Variants in PRDM1 observed in about 807,000 individuals in gnomAD.
PRDM1 encodes the protein PR domain zinc finger protein 1.
In PRDM1, 13 loss-of-function variants were observed where a neutral mutation model predicts 62.8. The observed-to-expected ratio is 0.21, with a 90% CI of 0.13 to 0.33. The LOEUF is 0.33. Ranked by LOEUF, PRDM1 falls within the 10% of genes least tolerant of loss-of-function variation. PRDM1 has a pLI of 1.00. For synonymous variants in PRDM1, 396 were observed against 417.6 expected, an observed-to-expected ratio of 0.95 and a Z score of 0.63; for missense variants, 895 against 1,058.8, an observed-to-expected ratio of 0.85 and a Z score of 2.15.
At chr6:106,104,540 A>G (rs1774385653) in intron 4 of PRDM1, among the ~76,000 whole-genome samples, 2 of 152,164 alleles carry the variant, frequency 1.3e-5, no homozygotes, top group Non-Finnish European at 2.9e-5. Context: ...CTAAACAGCA[A>G]TTTTCTATCA....
At chr6:106,022,093 G>A (rs1772702982) in intron 1 of PRDM1, among the ~76,000 whole-genome samples, 1 of 152,172 alleles carries the variant, frequency 6.6e-6, no homozygotes, top group African/African-American at 2.4e-5. Flanking sequence ...GCAAGAAAGA[G>A]CTTAAGAGGT....
intron 1 of PRDM1, among the ~76,000 whole-genome samples, chr6:106,014,977 A>G (rs1772602753): frequency 6.6e-6 from 1 of 152,206 alleles, no homozygotes; most frequent in African/African-American, 2.4e-5. Context: ...TTCAAGATAC[A>G]GCCCCCTGGG....
Position 106,089,860 on chromosome 6 carries a change from C to G in PRDM1, c.291+1411C>G, listed in dbSNP as rs925923033. Among the ~76,000 whole-genome samples the G allele has an allele frequency of 5.3e-5, 8 of 152,300 alleles. No individual in the cohort carries two copies. In the East Asian group the frequency reaches 1.5e-3, roughly 29 times the overall value. On this transcript the variant is annotated intron_variant, in intron 2 of 6. Coordinates refer to ENST00000369096, the MANE Select transcript of PRDM1 (RefSeq NM_001198.4). ...ATATCAAGTTTGACCAAATATTCGT[C>G]TGTTCCCAAGCTTCGTTTGTGCTGT...
intron 1 of PRDM1, among the ~76,000 whole-genome samples, chr6:105,993,784 T>C (rs1033123946): frequency 1.3e-5 from 2 of 152,202 alleles, no homozygotes; most frequent in Non-Finnish European, 2.9e-5. Context: ...GGTATGGGGC[T>C]CTGATATCGC....
In PRDM1 at chr6:106,106,617, C is replaced by T; in HGVS notation, c.1902+118C>T. 3 of 1,391,704 alleles carry T rather than the reference C, an allele frequency of 2.2e-6. No homozygotes were observed. The highest frequency in any genetic ancestry group is 2.9e-6 in the Non-Finnish European group (3 of 1,023,764). The allele number at this position is 1,391,704 out of a possible 1,614,324, so 86.2% of individuals were successfully genotyped here. A position where few individuals can be genotyped will look rare whatever the true frequency, so the allele number is the denominator to read the frequency against. ...AACACCAGATTCTGCGTTGTCCCAT[C>T]CTGGACTGATGGCACTATGGTCCTT... On this transcript the variant is annotated intron_variant, in intron 6 of 6. Transcript: ENST00000369096. This position sits in a 1 kb window ranked among gnomAD's most constrained non-coding sequence, Gnocchi z 4.4.
At chr6:106,078,884 C>A (rs1327678310) in intron 1 of PRDM1, among the ~76,000 whole-genome samples, 1 of 151,820 alleles carries the variant, frequency 6.6e-6, no homozygotes, top group African/African-American at 2.4e-5. Context: ...AATAAAACAG[C>A]GTGAGGGCCT....
intron 1 of PRDM1, among the ~76,000 whole-genome samples, chr6:106,011,641 C>T (rs1023859602): frequency 6.6e-6 from 1 of 152,064 alleles, no homozygotes; most frequent in African/African-American, 2.4e-5. Context: ...TGCAAAGCTG[C>T]TTACTGTGGT....
intron 1 of PRDM1, among the ~76,000 whole-genome samples, chr6:106,021,216 A>T (rs1772692992): frequency 6.6e-6 from 1 of 152,198 alleles, no homozygotes; most frequent in Admixed American, 6.5e-5. Flanking sequence ...TTCTTCGGTT[A>T]TGCTTTCTTT....
chr6:106,108,314 C>A lies in PRDM1; in HGVS notation c.*828C>A, dbSNP rs760823187. 8.6e-6 allele frequency: 2 copies of A among 233,512 alleles called. No homozygotes were observed. Among genetic ancestry groups the A allele is most frequent in the Non-Finnish European group, 1.7e-5 (2 of 117,994 alleles). 14.5% of individuals were successfully genotyped at this position (233,512 alleles called of 1,614,324 possible). ...TCCCTCCAAAAGAGCAGAATCCTCC[C>A]ACCGCCCTGCCCTCCCCACCGAGTC... On this transcript the variant is annotated 3_prime_UTR_variant, in exon 7 of 7. Transcript: ENST00000369096.
chr6:106,060,571 T>A (rs147465440), intron 1 of PRDM1, among the ~76,000 whole-genome samples: 166 of 152,140 alleles, frequency 1.1e-3, no homozygotes, highest in Non-Finnish European at 2.0e-3. Context: ...GAAGGATGGA[T>A]CATAGACTTG....
Position 106,098,141 on chromosome 6 carries a change from G to A in PRDM1, c.412-1159G>A, listed in dbSNP as rs1005304916. ...AAGGAAAAGCAATAACCTGCTGTCC[G>A]GTGAGCACAAAATTCCTGCTACGAA... On this transcript the variant is annotated intron_variant, in intron 3 of 6. Coordinates refer to ENST00000369096, the MANE Select transcript of PRDM1 (RefSeq NM_001198.4). The A allele has an allele frequency of 9.4e-6, 9 of 957,150 alleles. No homozygotes were observed. In the East Asian group the frequency reaches 6.9e-4, roughly 74 times the overall value. 59.3% of individuals were successfully genotyped at this position (957,150 alleles called of 1,614,324 possible). A position where few individuals can be genotyped will look rare whatever the true frequency, so the allele number is the denominator to read the frequency against.
chr6:106,087,151 C>A (rs1278037176), intron 1 of PRDM1, among the ~76,000 whole-genome samples: 1 of 152,058 alleles, frequency 6.6e-6, no homozygotes, highest in Admixed American at 6.5e-5. Flanking sequence ...ATGAGAAAAC[C>A]CTTACAGAAG....
rs536189708 is a variant in PRDM1, at chr6:106,109,790, C to T, written c.*2304C>T. ...ATCAACAGTGGTTTTATTTTTTCCT[C>T]TACTCAAAGTTAAAACTGACCAAAG... On this transcript the variant is annotated 3_prime_UTR_variant, in exon 7 of 7. Transcript: ENST00000369096. 11 of 233,146 alleles carry T rather than the reference C, an allele frequency of 4.7e-5. No individual in the cohort carries two copies. The East Asian group carries it at 6.6e-4, about 14-fold the overall frequency. 14.4% of individuals were successfully genotyped at this position (233,146 alleles called of 1,614,324 possible).
At chr6:106,089,216 C>T (rs2114619800) in intron 2 of PRDM1, among the ~76,000 whole-genome samples, 1 of 152,220 alleles carries the variant, frequency 6.6e-6, no homozygotes, top group East Asian at 1.9e-4. Flanking sequence ...CTTGCAGAAC[C>T]ACCTCTTGTT....
At chr6:106,032,546 T>C (rs1772859406) in intron 1 of PRDM1, among the ~76,000 whole-genome samples, 1 of 152,200 alleles carries the variant, frequency 6.6e-6, no homozygotes, top group Admixed American at 6.5e-5. Flanking sequence ...CAAGCAATTC[T>C]CCTGCCTCAG....
intron 1 of PRDM1, among the ~76,000 whole-genome samples, chr6:106,003,708 T>C (rs1366685546): frequency 6.6e-6 from 1 of 152,230 alleles, no homozygotes; most frequent in African/African-American, 2.4e-5. Context: ...ATGTGCTTTT[T>C]ATTCCTGTCT....
chr6:106,062,199 C>T (rs1773355257), intron 1 of PRDM1, among the ~76,000 whole-genome samples: 1 of 152,100 alleles, frequency 6.6e-6, no homozygotes, highest in Non-Finnish European at 1.5e-5. Context: ...TTTGGAACTG[C>T]CTATAGAATC....
chr6:106,024,330 A>G (rs1772737938), intron 1 of PRDM1, among the ~76,000 whole-genome samples: 1 of 152,178 alleles, frequency 6.6e-6, no homozygotes, highest in Non-Finnish European at 1.5e-5. Flanking sequence ...AATGGCCTTT[A>G]AACAATTGTC....
chr6:106,060,513 A>T (rs1432836798), intron 1 of PRDM1, among the ~76,000 whole-genome samples: 1 of 152,202 alleles, frequency 6.6e-6, no homozygotes, highest in East Asian at 1.9e-4. Flanking sequence ...AGGGATTGGC[A>T]TAAGTAATGA....
Sources: gnomAD v4.1 joint callset for allele counts (sites outside exome capture counted in the v4.1 genomes callset) on GRCh38, gnomAD v4.1.1 for gene constraint, Gnocchi (gnomAD v3.1) non-coding constraint, MANE v1.5 for transcripts, NCBI Gene and HGNC (gene_info 2026-07-23, HGNC 2026-07-21) for gene names.